Variants in SYCP1 observed in about 807,000 individuals in gnomAD.
The protein encoded by SYCP1 is cancer/testis antigen 8.
Under a neutral mutation model 153.1 loss-of-function variants are expected in SYCP1, and 64 were observed. That is an observed-to-expected ratio of 0.42 (90% CI 0.34 to 0.51). SYCP1 has a LOEUF of 0.51. Among genes scored for constraint, SYCP1 ranks in the 20% least tolerant of loss-of-function variants. SYCP1 has a pLI of 0.06. For missense variants in SYCP1, 997 were observed against 1,049.0 expected (o/e 0.95, Z 0.68); for synonymous variants, 384 against 341.8 (o/e 1.12, Z -1.36).
At chr1:114,960,999 A>T (rs1285029065) in intron 27 of SYCP1, among the ~76,000 whole-genome samples, 2 of 152,136 alleles carry the variant, frequency 1.3e-5, no homozygotes, top group Non-Finnish European at 2.9e-5. Context: ...TTTTATTGGC[A>T]GTTTTTAAAA....
chr1:114,892,310 G>T, intron 15 of SYCP1, among the ~76,000 whole-genome samples: 1 of 152,146 alleles, frequency 6.6e-6, no homozygotes, highest in Non-Finnish European at 1.5e-5. Flanking sequence ...TGAGCTGGGA[G>T]AGCCTGCCCT....
At chr1:114,931,681 A>G (rs907834722) in intron 23 of SYCP1, among the ~76,000 whole-genome samples, 5 of 152,298 alleles carry the variant, frequency 3.3e-5, no homozygotes, top group East Asian at 1.9e-4. Context: ...TTCAGTCACC[A>G]TGATAATTCC....
At chr1:114,953,718 G>A (rs965418348) in intron 27 of SYCP1, among the ~76,000 whole-genome samples, 2 of 152,106 alleles carry the variant, frequency 1.3e-5, no homozygotes, top group Non-Finnish European at 2.9e-5. Context: ...TTAATATCAA[G>A]TAAAATGATT....
intron 27 of SYCP1, among the ~76,000 whole-genome samples, chr1:114,973,023 C>CTA (rs1354003157): frequency 6.6e-6 from 1 of 152,070 alleles, no homozygotes; most frequent in East Asian, 1.9e-4. Flanking sequence ...GCCTGTGTGT[C>CTA]TATCTGATAG....
chr1:114,881,543 T>TTCCTTCCTTCCTTCCTTCCCTC (rs1383711421), intron 12 of SYCP1, among the ~76,000 whole-genome samples: 1 of 123,206 alleles, frequency 8.1e-6, no homozygotes, highest in South Asian at 2.5e-4. Context: ...TTCCTTCCTT[T>TTCCTTCCTTCCTTCCTTCCCTC]CTTGATGGAG....
intron 27 of SYCP1, among the ~76,000 whole-genome samples, chr1:114,950,385 G>A (rs1329475208): frequency 6.6e-6 from 1 of 152,116 alleles, no homozygotes; most frequent in Non-Finnish European, 1.5e-5. Flanking sequence ...TAAGCTCATT[G>A]ATATAAGGAT....
At position 114,981,499 on chromosome 1, in the gene SYCP1, C is replaced by T; in HGVS notation, c.2546C>T (p.Thr849Ile). The T allele has an allele frequency of 6.3e-7, 1 of 1,588,200 alleles. No individual in the cohort carries two copies. Among genetic ancestry groups the T allele is most frequent in the Non-Finnish European group, 8.5e-7 (1 of 1,173,056 alleles). Residue 849 changes from threonine (T) to isoleucine (I), a missense_variant, in exon 29 of 32, where the codon ACA (threonine) becomes ATA (isoleucine). Transcript: ENST00000369522. ...LWTSAKNTLS[T>I]PLPKAYTVKT... ...ACATCTGCCAAAAATACTTTATCTACACCATTGCCAAAGGTTTGTGTCTAA... is the reference window on the plus strand; with the variant it reads ...ACATCTGCCAAAAATACTTTATCTATACCATTGCCAAAGGTTTGTGTCTAA...
chr1:114,882,669 A>AT (rs1034738975), intron 12 of SYCP1, among the ~76,000 whole-genome samples: 3 of 151,068 alleles, frequency 2.0e-5, no homozygotes, highest in African/African-American at 4.9e-5. Context: ...CTTTATGCTC[A>AT]TTTTTTTTAC....
Position 114,855,427 on chromosome 1 carries a change from C to G in SYCP1, c.-24-14C>G, listed in dbSNP as rs1663870181. ...AAAAACTTTCCTTCCCCTCCCGCCCCCCCGGGGCAGTAGATATTTACAACC... is the reference window on the plus strand; with the variant it reads ...AAAAACTTTCCTTCCCCTCCCGCCCGCCCGGGGCAGTAGATATTTACAACC... On this transcript the variant is annotated splice_polypyrimidine_tract_variant and intron_variant, in intron 1 of 31. Transcript: ENST00000369522. 2 of 1,564,128 alleles carry G rather than the reference C, an allele frequency of 1.3e-6. No individual in the cohort carries two copies. The highest frequency in any genetic ancestry group is 2.7e-5 in the African/African-American group (2 of 73,124).
chr1:114,957,360 T>C (rs1671506801), intron 27 of SYCP1, among the ~76,000 whole-genome samples: 1 of 152,158 alleles, frequency 6.6e-6, no homozygotes. Flanking sequence ...ACTGGGTAAA[T>C]GCTACAGGGC....
intron 12 of SYCP1, among the ~76,000 whole-genome samples, chr1:114,879,818 G>A (rs1665794404): frequency 6.6e-6 from 1 of 151,992 alleles, no homozygotes; most frequent in South Asian, 2.1e-4. Context: ...GTTCAGTGTG[G>A]ATATTTTTTA....
At chr1:114,914,652 C>T (rs979352576) in intron 20 of SYCP1, among the ~76,000 whole-genome samples, 1 of 152,142 alleles carries the variant, frequency 6.6e-6, no homozygotes, top group Non-Finnish European at 1.5e-5. Flanking sequence ...CATGCTAGCG[C>T]TTGGCTCTCC....
intron 26 of SYCP1, 79 bp downstream of exon 26, chr1:114,946,460 TA>T: frequency 2.5e-6 from 2 of 815,950 alleles, no homozygotes; most frequent in South Asian, 3.5e-5. Flanking sequence ...TAATATTAAG[TA>T]AAACTAATTT....
chr1:114,977,929 C>T (rs1672909795), intron 28 of SYCP1, among the ~76,000 whole-genome samples: 2 of 151,348 alleles, frequency 1.3e-5, no homozygotes, highest in Admixed American at 1.3e-4. Flanking sequence ...GTGTTTCTCT[C>T]TTAAGAATTT....
At position 114,878,096 on chromosome 1, in the gene SYCP1, A is replaced by G; in HGVS notation, c.804A>G (p.Val268=). 6.7e-7 allele frequency: 1 copy of G among 1,500,004 alleles called. No homozygotes were observed. The highest frequency in any genetic ancestry group is 9.1e-7 in the Non-Finnish European group (1 of 1,098,172). The allele number at this position is 1,500,004 out of a possible 1,614,324, so 92.9% of individuals were successfully genotyped here. The change falls in exon 12 of 32, where the codon GTA becomes GTG. Residue 268 remains valine, a splice_region_variant and synonymous_variant. Coordinates refer to ENST00000369522, the MANE Select transcript of SYCP1 (RefSeq NM_003176.4). ...KKEINDKEKQ[V]SLLLIQITEK... ...AATGTATTATTTAAATATTTTAGGT[A>G]TCACTACTATTGATCCAAATCACTG...
At chr1:114,900,850 T>G (rs558630535) in intron 16 of SYCP1, among the ~76,000 whole-genome samples, 28 of 152,336 alleles carry the variant, frequency 1.8e-4, no homozygotes, top group African/African-American at 5.3e-4. Context: ...TTTATAACCT[T>G]AAAACACTTA....
chr1:114,902,917 C>T (rs1372995877), intron 16 of SYCP1, among the ~76,000 whole-genome samples: 2 of 152,120 alleles, frequency 1.3e-5, no homozygotes, highest in Non-Finnish European at 2.9e-5. Flanking sequence ...TGCTGGCTCA[C>T]ACCTGTAATC....
At chr1:114,894,974 T>C (rs1286128178) in intron 15 of SYCP1, among the ~76,000 whole-genome samples, 1 of 152,122 alleles carries the variant, frequency 6.6e-6, no homozygotes, top group Non-Finnish European at 1.5e-5. Flanking sequence ...AAATTAAAGA[T>C]TCCTCTACAT....
intron 16 of SYCP1, among the ~76,000 whole-genome samples, chr1:114,899,494 C>T (rs1332407493): frequency 1.3e-5 from 2 of 152,154 alleles, no homozygotes; most frequent in African/African-American, 4.8e-5. Context: ...TCAAAGTTAT[C>T]AGACCTGTAT....
Sources: gnomAD v4.1 joint callset for allele counts (sites outside exome capture counted in the v4.1 genomes callset) on GRCh38, gnomAD v4.1.1 for gene constraint, MANE v1.5 for transcripts, NCBI Gene and HGNC (gene_info 2026-07-23, HGNC 2026-07-21) for gene names.